Variants in ASMTL observed in about 807,000 individuals in gnomAD.
The protein encoded by ASMTL is probable bifunctional dTTP/UTP pyrophosphatase/methyltransferase protein.
A neutral mutation model predicts 60.3 loss-of-function variants in ASMTL; 57 were observed. The observed-to-expected ratio is 0.95, with a 90% CI of 0.76 to 1.18. ASMTL has a LOEUF of 1.18. ASMTL is among the 50% of genes most tolerant of loss of function. ASMTL has a pLI of 0.00. For missense variants in ASMTL, 981 were observed against 852.6 expected (o/e 1.15, Z -1.88); for synonymous variants, 419 against 373.0 (o/e 1.12, Z -1.42).
In ASMTL at chrX:1,442,304, T is replaced by G. The variant is rs1355998090; in HGVS notation, c.107A>C (p.Glu36Ala). 1.2e-6 allele frequency: 2 copies of G among 1,613,632 alleles called. No individual in the cohort carries two copies. The highest frequency in any genetic ancestry group is 1.7e-6 in the Non-Finnish European group (2 of 1,179,848). ...EILSNAGLRFEVVPSKFKEKL... is the reference protein window; with the variant it reads ...EILSNAGLRFAVVPSKFKEKL... ...CTCTTTAAACTTGGAGGGGACCACC[T>G]CAAACCTGAGACCCTGCAACAGTAG... The change falls in exon 2 of 13, where the codon GAG (glutamate) becomes GCG (alanine). Residue 36 changes from glutamate (E) to alanine (A), a missense_variant. Transcript: ENST00000381317.
intron 8 of ASMTL, among the ~76,000 whole-genome samples, chrX:1,423,650 C>G (rs1311494528): frequency 3.3e-5 from 5 of 150,888 alleles, no homozygotes; most frequent in Non-Finnish European, 7.4e-5. Flanking sequence ...TATGCATTCC[C>G]CCACCCATCC....
At chrX:1,445,001 C>T (rs1381240431) in intron 1 of ASMTL, among the ~76,000 whole-genome samples, 1 of 152,106 alleles carries the variant, frequency 6.6e-6, no homozygotes, top group South Asian at 2.1e-4. Context: ...TCCCTCTTCT[C>T]TCTCTCTCTC....
At chrX:1,422,867 G>A (rs1187764318) in intron 8 of ASMTL, among the ~76,000 whole-genome samples, 8 of 152,158 alleles carry the variant, frequency 5.3e-5, no homozygotes, top group African/African-American at 1.9e-4. Flanking sequence ...ACTGCACAAA[G>A]CGTTGTCAAA....
chrX:1,446,317 T>C (rs1241248116), intron 1 of ASMTL, among the ~76,000 whole-genome samples: 2 of 151,930 alleles, frequency 1.3e-5, no homozygotes, highest in African/African-American at 4.8e-5. Flanking sequence ...ATCCAATAAA[T>C]ATCAGCGCAG....
upstream of ASMTL, among the ~76,000 whole-genome samples, chrX:1,453,221 G>A (rs1409957420): frequency 1.4e-5 from 2 of 140,072 alleles, no homozygotes. Context: ...CCCATGTCAC[G>A]CCGCCATTGA....
In ASMTL at chrX:1,415,214, T is replaced by TCCAGGCGTGAGCCTGGGCACATGGC. The variant is rs747715910; in HGVS notation, c.1523-2361_1523-2360insGCCATGTGCCCAGGCTCACGCCTGG. On this transcript the variant is annotated intron_variant, in intron 11 of 12. Coordinates refer to ENST00000381317, the MANE Select transcript of ASMTL (RefSeq NM_004192.4). ...CCTCAGCCTCCCAGAGGGCTGGGAT[T>TCCAGGCGTGAGCCTGGGCACATGGC]CCAGGCGTCTCCTGTCAATCCGTCC... Among the ~76,000 whole-genome samples, 13 of 151,926 alleles carry TCCAGGCGTGAGCCTGGGCACATGGC rather than the reference T, an allele frequency of 8.6e-5. 2 individuals carry two copies. The highest frequency in any genetic ancestry group is 5.9e-4 in the East Asian group (3 of 5,110).
In ASMTL at chrX:1,418,010, G is replaced by A; in HGVS notation, c.1485C>T (p.Pro495=). 1 of 1,613,500 alleles carries A rather than the reference G, an allele frequency of 6.2e-7. No individual in the cohort carries two copies. Among genetic ancestry groups the A allele is most frequent in the Non-Finnish European group, 8.5e-7 (1 of 1,179,618 alleles). The change falls in exon 11 of 13, where the codon CCC becomes CCT. Residue 495 remains proline, a synonymous_variant. Coordinates refer to ENST00000381317, the MANE Select transcript of ASMTL (RefSeq NM_004192.4). The stretch of plus-strand genomic sequence containing the variant: ...GGATCTGCACTGCCTGCGGTCCGGG[G>A]GGTTGGAAGTGGGCGGCCAGCTCGA... The part of the protein sequence containing the change: ...DIIELAAHFQ[P]PGPQAVQIHF...
At chrX:1,434,953 G>A in intron 5 of ASMTL, 69 bp downstream of exon 5, 1 of 1,568,142 alleles carries the variant, frequency 6.4e-7, no homozygotes, top group South Asian at 1.1e-5. Context: ...CTCAAGCCAA[G>A]GGTCCCGAGA....
chrX:1,442,065 C>A (rs1187506453), intron 2 of ASMTL, 121 bp downstream of exon 2: 3 of 1,136,922 alleles, frequency 2.6e-6, no homozygotes, highest in Non-Finnish European at 3.8e-6. Context: ...AATAGCTAAG[C>A]TGTGCCACCA....
intron 3 of ASMTL, among the ~76,000 whole-genome samples, chrX:1,438,385 G>A (rs1329616480): frequency 5.9e-5 from 9 of 152,212 alleles, no homozygotes; most frequent in Non-Finnish European, 1.0e-4. Flanking sequence ...ATGAGCCAAA[G>A]GAGACAATGG....
intron 11 of ASMTL, among the ~76,000 whole-genome samples, chrX:1,416,967 GAC>G (rs2149289354): frequency 6.6e-6 from 1 of 151,136 alleles, no homozygotes; most frequent in African/African-American, 2.4e-5. Context: ...CTGACGTACA[GAC>G]ACGCATGCAA....
At chrX:1,435,157 C>T (rs1304473145) in intron 4 of ASMTL, 74 bp from the exon 5 acceptor site, 4 of 1,510,418 alleles carry the variant, frequency 2.6e-6, no homozygotes, top group South Asian at 1.1e-5. Context: ...TTCTCAAAAC[C>T]AGGGGAGGCA....
chrX:1,418,841 T>C (rs2090390848), intron 10 of ASMTL, 141 bp downstream of exon 10: 2 of 1,066,062 alleles, frequency 1.9e-6, no homozygotes, highest in Non-Finnish European at 2.7e-6. Flanking sequence ...CCACCCATGA[T>C]CTGGGACTCA....
rs767985189 is a variant in ASMTL at position 1,431,409 on chromosome X, T to C, written c.509+860A>G. ...TAACTACCTATTATATAATCTATTT[T>C]AACAGTTATATAACCTATCATATAA... On this transcript the variant is annotated intron_variant, in intron 6 of 12. Coordinates refer to ENST00000381317, the MANE Select transcript of ASMTL (RefSeq NM_004192.4). Among the ~76,000 whole-genome samples the C allele has an allele frequency of 4.3e-4, 59 of 136,558 alleles. No homozygotes were observed. In the South Asian group the frequency reaches 5.0e-3, roughly 12 times the overall value. 89.6% of individuals were successfully genotyped at this position (136,558 alleles called of 152,430 possible).
chrX:1,418,635 G>A (rs2090385482), intron 10 of ASMTL, among the ~76,000 whole-genome samples: 1 of 152,098 alleles, frequency 6.6e-6, no homozygotes, highest in African/African-American at 2.4e-5. Context: ...CAGCCCTTGG[G>A]AATGTGTCTA....
At chrX:1,419,688 A>AG (rs1171271352) in intron 9 of ASMTL, among the ~76,000 whole-genome samples, 2 of 152,166 alleles carry the variant, frequency 1.3e-5, no homozygotes, top group African/African-American at 4.8e-5. Context: ...CCGTCCCTGC[A>AG]GGGCAAGCAA....
chrX:1,437,822 G>A (rs2091009455), intron 3 of ASMTL, among the ~76,000 whole-genome samples: 1 of 151,822 alleles, frequency 6.6e-6, no homozygotes. Context: ...ATTGAAACCC[G>A]GGAGGCGGAG....
intron 3 of ASMTL, 91 bp downstream of exon 3, chrX:1,439,006 G>A (rs549279707): frequency 1.5e-6 from 2 of 1,371,238 alleles, no homozygotes; most frequent in East Asian, 2.3e-5. Flanking sequence ...GCTGTCTTAA[G>A]GGGAATGTAC....
intron 10 of ASMTL, 48 bp downstream of exon 10, chrX:1,418,934 G>A: frequency 1.2e-6 from 2 of 1,610,078 alleles, no homozygotes; most frequent in South Asian, 1.1e-5. Context: ...AGATACCTGT[G>A]GCTTAATAAA....
Sources: allele counts gnomAD v4.1 joint callset (sites outside exome capture counted in the v4.1 genomes callset), GRCh38; gene constraint gnomAD v4.1.1; transcripts MANE v1.5; gene names NCBI Gene and HGNC (gene_info 2026-07-23, HGNC 2026-07-21).